MACROD2: variants seen among roughly 807,000 people sequenced by gnomAD.
MACROD2 encodes the protein ADP-ribose glycohydrolase MACROD2.
MACROD2 carries 36 observed loss-of-function variants against 70.4 expected under a neutral mutation model. That is an observed-to-expected ratio of 0.51 (90% CI 0.39 to 0.68). The LOEUF (loss-of-function observed/expected upper bound fraction) is 0.68, where lower values mean the gene tolerates loss of function less well. MACROD2 is among the 30% of genes least tolerant of loss of function. The pLI, the probability that MACROD2 is intolerant of heterozygous loss-of-function variation, is 0.00. For synonymous variants in MACROD2, 172 were observed against 178.8 expected (o/e 0.96, Z 0.30); for missense variants, 496 against 538.4 (o/e 0.92, Z 0.78).
At chr20:15,101,630 C>T (rs2069479661) in intron 5 of MACROD2, among the ~76,000 whole-genome samples, 1 of 148,898 alleles carries the variant, frequency 6.7e-6, no homozygotes, top group Non-Finnish European at 1.5e-5. Context: ...TATTCATATA[C>T]ACAGCATCAG....
chr20:14,530,397 C>T (rs1046598814), intron 4 of MACROD2, among the ~76,000 whole-genome samples: 1 of 152,238 alleles, frequency 6.6e-6, no homozygotes, highest in East Asian at 1.9e-4. Flanking sequence ...AGATTTGTTT[C>T]GTCAAGAAGG....
chr20:15,283,653 CA>C (rs71190183), intron 6 of MACROD2, among the ~76,000 whole-genome samples: 7,259 of 151,998 alleles, frequency 0.048, 241 homozygotes, highest in Non-Finnish European at 0.063. Context: ...GCCTGGGCAA[CA>C]AGAGTGAAAC....
At chr20:15,884,302 G>A (rs2064795299) in intron 9 of MACROD2, among the ~76,000 whole-genome samples, 1 of 152,118 alleles carries the variant, frequency 6.6e-6, no homozygotes, top group Non-Finnish European at 1.5e-5. Flanking sequence ...AATAGAGAGG[G>A]AGAAGGGCAT....
chr20:15,860,673 G>A (rs1165318803), intron 8 of MACROD2, among the ~76,000 whole-genome samples: 1 of 152,102 alleles, frequency 6.6e-6, no homozygotes, highest in Non-Finnish European at 1.5e-5. Flanking sequence ...TTAGCCATTT[G>A]CCATGTTTTT....
At chr20:14,967,453 C>T (rs553728235) in intron 5 of MACROD2, among the ~76,000 whole-genome samples, 18 of 152,060 alleles carry the variant, frequency 1.2e-4, no homozygotes, top group East Asian at 7.8e-4. Flanking sequence ...CGTGAGCCAC[C>T]GTGCCTGGCC....
At chr20:15,091,788 C>G (rs2075794786) in intron 5 of MACROD2, among the ~76,000 whole-genome samples, 1 of 151,976 alleles carries the variant, frequency 6.6e-6, no homozygotes, top group Non-Finnish European at 1.5e-5. Context: ...CTGAATAATG[C>G]CTGGCTAGAT....
chr20:15,491,975 C>T (rs987699960), intron 7 of MACROD2, among the ~76,000 whole-genome samples: 1 of 152,258 alleles, frequency 6.6e-6, no homozygotes, highest in Non-Finnish European at 1.5e-5. Flanking sequence ...CAACTCCACT[C>T]TCTTAACGAC....
intron 10 of MACROD2, among the ~76,000 whole-genome samples, chr20:15,915,528 T>A (rs1201933374): frequency 6.6e-6 from 1 of 152,184 alleles, no homozygotes; most frequent in African/African-American, 2.4e-5. Flanking sequence ...CCTTTACATA[T>A]TTTGATGCCA....
At chr20:14,470,598 C>CT (rs994118889) in intron 3 of MACROD2, among the ~76,000 whole-genome samples, 1 of 151,974 alleles carries the variant, frequency 6.6e-6, no homozygotes, top group Non-Finnish European at 1.5e-5. Context: ...GGGGCTGCTG[C>CT]TTTTTTTTCA....
At chr20:14,107,047 T>C (rs140591450) in intron 3 of MACROD2, among the ~76,000 whole-genome samples, 212 of 152,242 alleles carry the variant, frequency 1.4e-3, no homozygotes, top group South Asian at 8.3e-3. Flanking sequence ...CCCAATGAAC[T>C]TAAATAAGGT....
At chr20:14,441,716 A>G (rs889436060) in intron 3 of MACROD2, among the ~76,000 whole-genome samples, 3 of 152,178 alleles carry the variant, frequency 2.0e-5, no homozygotes, top group African/African-American at 7.2e-5. Flanking sequence ...TGGCCTGGAA[A>G]TGTCTGCTGG....
chr20:15,951,549 T>C (rs1601199522), intron 12 of MACROD2, among the ~76,000 whole-genome samples: 1 of 152,110 alleles, frequency 6.6e-6, no homozygotes, highest in East Asian at 1.9e-4. Context: ...GCCCTGTTAT[T>C]TTGCACCAGA....
At chr20:14,340,568 A>C (rs2083002939) in intron 3 of MACROD2, among the ~76,000 whole-genome samples, 1 of 152,076 alleles carries the variant, frequency 6.6e-6, no homozygotes. Flanking sequence ...GAGGAATAGA[A>C]GAGCATTTCA....
intron 4 of MACROD2, among the ~76,000 whole-genome samples, chr20:14,616,473 G>A (rs902239730): frequency 1.3e-5 from 2 of 152,042 alleles, no homozygotes; most frequent in South Asian, 2.1e-4. Flanking sequence ...GAATTTTGGT[G>A]AATAATATTA....
intron 3 of MACROD2, chr20:14,337,377 A>G (rs779097735): frequency 2.9e-6 from 1 of 345,198 alleles, no homozygotes; most frequent in African/African-American, 2.1e-5. Context: ...TGGGACAATC[A>G]TAAGAAAAAA....
intron 5 of MACROD2, among the ~76,000 whole-genome samples, chr20:14,807,534 C>T (rs926704336): frequency 5.3e-5 from 8 of 152,096 alleles, no homozygotes; most frequent in African/African-American, 1.9e-4. Context: ...TGCCTCTTCT[C>T]CTCCAAAGGA....
intron 8 of MACROD2, among the ~76,000 whole-genome samples, chr20:15,843,830 A>G (rs2064200623): frequency 6.6e-6 from 1 of 152,178 alleles, no homozygotes; most frequent in Non-Finnish European, 1.5e-5. Flanking sequence ...TGCAATTTGC[A>G]TTGCTCCCTG....
chr20:14,397,855 T>A (rs1297268635), intron 3 of MACROD2, among the ~76,000 whole-genome samples: 1 of 152,222 alleles, frequency 6.6e-6, no homozygotes. Flanking sequence ...TGTAATTTTA[T>A]ATCTATTAAT....
chr20:14,102,641 A>C (rs937199187), intron 3 of MACROD2, among the ~76,000 whole-genome samples: 1 of 152,216 alleles, frequency 6.6e-6, no homozygotes, highest in Admixed American at 6.5e-5. Context: ...CTCCTCTGCT[A>C]TGCCAGAAAT....
Sources: gnomAD v4.1 joint callset for allele counts (sites outside exome capture counted in the v4.1 genomes callset) on GRCh38, gnomAD v4.1.1 for gene constraint, MANE v1.5 for transcripts, NCBI Gene and HGNC (gene_info 2026-07-23, HGNC 2026-07-21) for gene names.